ATP2C1: variants seen among roughly 807,000 people sequenced by gnomAD.
ATP2C1 encodes the protein ATPase secretory pathway Ca2+ transporting 1, also known as calcium-transporting ATPase type 2C member 1.
Under a neutral mutation model 120.5 loss-of-function variants are expected in ATP2C1, and 31 were observed. The ratio of observed to expected loss-of-function variants is 0.26; its 90% CI spans 0.19 to 0.35. The LOEUF is 0.35. Among genes scored for constraint, ATP2C1 ranks in the 10% least tolerant of loss-of-function variants. ATP2C1 has a pLI of 1.00. For missense variants in ATP2C1, 731 were observed against 1,107.5 expected, an observed-to-expected ratio of 0.66 and a Z score of 4.83; for synonymous variants, 351 against 358.7, an observed-to-expected ratio of 0.98 and a Z score of 0.24.
chr3:130,969,403 A>G lies in ATP2C1; in HGVS notation c.1413+7A>G. On this transcript the variant is annotated splice_region_variant and intron_variant, in intron 17 of 27. Coordinates refer to ENST00000510168, the MANE Select transcript of ATP2C1 (RefSeq NM_001378687.1). ...TGTACACCGAACACAGCAGGTATCC[A>G]TCTGTTTAAAGAATACTTATTTCCT... is the stretch of plus-strand genomic sequence containing the variant. 6.2e-7 allele frequency: 1 copy of G among 1,605,828 alleles called. No homozygotes were observed. The highest frequency in any genetic ancestry group is 8.5e-7 in the Non-Finnish European group (1 of 1,172,694).
chr3:130,895,659 A>C (rs1385134708), intron 2 of ATP2C1, among the ~76,000 whole-genome samples: 1 of 152,190 alleles, frequency 6.6e-6, no homozygotes, highest in Non-Finnish European at 1.5e-5. Context: ...AATTTGTTTT[A>C]AAAAATATGT....
chr3:130,961,929 ATCT>A (rs1344399142), intron 12 of ATP2C1, among the ~76,000 whole-genome samples: 1 of 152,064 alleles, frequency 6.6e-6, no homozygotes, highest in Non-Finnish European at 1.5e-5. Context: ...GATACTCTAG[ATCT>A]TCTCAAACAC....
chr3:130,978,870 A>G (rs2061636863), intron 18 of ATP2C1, among the ~76,000 whole-genome samples: 1 of 152,220 alleles, frequency 6.6e-6, no homozygotes, highest in African/African-American at 2.4e-5. Context: ...TTGCCTGTTT[A>G]AAATTGACTT....
chr3:130,996,227 T>C (rs956176454), intron 23 of ATP2C1, 116 bp downstream of exon 23: 2 of 824,556 alleles, frequency 2.4e-6, no homozygotes, highest in Admixed American at 2.1e-5. Context: ...ATTGTTCATA[T>C]GTCAGTTTTC....
chr3:130,907,158 A>G (rs930105221), intron 2 of ATP2C1, among the ~76,000 whole-genome samples: 4 of 152,010 alleles, frequency 2.6e-5, no homozygotes, highest in Non-Finnish European at 5.9e-5. Context: ...CCAGTATACA[A>G]AGATGTTTAC....
chr3:130,927,662 A>C (rs2059275917), intron 2 of ATP2C1: 1 of 152,298 alleles, frequency 6.6e-6, no homozygotes, highest in Non-Finnish European at 1.5e-5. Flanking sequence ...CCTGCCTAGG[A>C]AAGAAACAGG....
In ATP2C1 at chr3:131,002,231, A is replaced by G. The variant is rs181188000; in HGVS notation, c.*881A>G. 19 of 967,272 alleles carry G rather than the reference A, an allele frequency of 2.0e-5. No individual in the cohort carries two copies. The highest frequency in any genetic ancestry group is 6.1e-5 in the Admixed American group (1 of 16,262). The allele number at this position is 967,272 out of a possible 1,614,324, so 59.9% of individuals were successfully genotyped here. A position where few individuals can be genotyped will look rare whatever the true frequency, so the allele number is the denominator to read the frequency against. On this transcript the variant is annotated 3_prime_UTR_variant, in exon 28 of 28. Coordinates refer to ENST00000510168, the MANE Select transcript of ATP2C1 (RefSeq NM_001378687.1). ...GTCAAATATCATTTTGTCATCCTCT[A>G]AATATAAATCCAAATACCTCAGCTA...
intron 2 of ATP2C1, among the ~76,000 whole-genome samples, chr3:130,904,131 C>A (rs2058013951): frequency 6.6e-6 from 1 of 151,968 alleles, no homozygotes. Flanking sequence ...TTTAGACTTA[C>A]ATAAAAGGTA....
At chr3:130,882,531 C>G (rs550560669) in intron 1 of ATP2C1, among the ~76,000 whole-genome samples, 1 of 152,252 alleles carries the variant, frequency 6.6e-6, no homozygotes, top group South Asian at 2.1e-4. Context: ...TATGTTCCTT[C>G]TCTACCTAGT....
In ATP2C1 at chr3:130,894,108, G is replaced by C; in HGVS notation, c.-410G>C. On this transcript the variant is annotated 5_prime_UTR_variant, in exon 1 of 28. Transcript: ENST00000510168. This position sits in a 1 kb window ranked among gnomAD's most constrained non-coding sequence, Gnocchi z 4.5. ...CAGACCAGCACGGCCTCGCGGAGCC[G>C]GCCCGGCGGACCGTGACGGGTCCCC... 1 of 974,150 alleles carries C rather than the reference G, an allele frequency of 1.0e-6. No homozygotes were observed. The highest frequency in any genetic ancestry group is 1.2e-6 in the Non-Finnish European group (1 of 819,696). The allele number at this position is 974,150 out of a possible 1,614,324, so 60.3% of individuals were successfully genotyped here. A position where few individuals can be genotyped will look rare whatever the true frequency, so the allele number is the denominator to read the frequency against.
intron 2 of ATP2C1, among the ~76,000 whole-genome samples, chr3:130,909,337 T>C (rs544617571): frequency 6.6e-6 from 1 of 152,326 alleles, no homozygotes; most frequent in South Asian, 2.1e-4. Context: ...TTTTATCTGT[T>C]GATGCTGGTT....
At chr3:130,998,747 T>C (rs1213633772) in intron 26 of ATP2C1, among the ~76,000 whole-genome samples, 1 of 152,186 alleles carries the variant, frequency 6.6e-6, no homozygotes, top group African/African-American at 2.4e-5. Flanking sequence ...AAAGACAGTA[T>C]TGCTAGGAGT....
intron 17 of ATP2C1, 22 bp from the exon 18 acceptor site, chr3:130,975,310 G>A (rs747031292): frequency 6.2e-7 from 1 of 1,612,920 alleles, no homozygotes; most frequent in Non-Finnish European, 8.5e-7. Flanking sequence ...TTAAACTTGT[G>A]TTTGGTACAT....
intron 2 of ATP2C1, among the ~76,000 whole-genome samples, chr3:130,923,692 A>G (rs2059068863): frequency 6.7e-6 from 1 of 150,364 alleles, no homozygotes; most frequent in South Asian, 2.1e-4. Context: ...ACATGGTGAA[A>G]CCATGTCTCT....
intron 1 of ATP2C1, among the ~76,000 whole-genome samples, chr3:130,880,636 C>A (rs2068752308): frequency 6.6e-6 from 1 of 152,172 alleles, no homozygotes; most frequent in Admixed American, 6.5e-5. Flanking sequence ...TTTGTAATTA[C>A]CCTTCTCTAT....
At chr3:130,882,277 A>T (rs1485294518) in intron 1 of ATP2C1, among the ~76,000 whole-genome samples, 1 of 151,368 alleles carries the variant, frequency 6.6e-6, no homozygotes, top group African/African-American at 2.4e-5. Context: ...GGATCACTAC[A>T]ACCTCCACCT....
intron 27 of ATP2C1, among the ~76,000 whole-genome samples, chr3:130,999,952 C>G (rs978184252): frequency 6.6e-6 from 1 of 152,102 alleles, no homozygotes; most frequent in East Asian, 1.9e-4. Context: ...TTTTTATGTA[C>G]TATGCCATCT....
chr3:130,855,273 C>A (rs564585110), intron 1 of ATP2C1, among the ~76,000 whole-genome samples: 2 of 152,090 alleles, frequency 1.3e-5, no homozygotes, highest in South Asian at 4.1e-4. Context: ...TAGCTCAATG[C>A]GGGGAATATG....
At chr3:130,975,249 A>G in intron 17 of ATP2C1, 83 bp from the exon 18 acceptor site, 2 of 1,363,630 alleles carry the variant, frequency 1.5e-6, no homozygotes, top group East Asian at 2.3e-5. Flanking sequence ...ATTATGAGAA[A>G]TGAATGCCAC....
Sources: gnomAD v4.1 joint callset for allele counts (sites outside exome capture counted in the v4.1 genomes callset) on GRCh38, gnomAD v4.1.1 for gene constraint, Gnocchi (gnomAD v3.1) non-coding constraint, MANE v1.5 for transcripts, NCBI Gene and HGNC (gene_info 2026-07-23, HGNC 2026-07-21) for gene names.